The following ADSS2 variants were observed in gnomAD, a reference collection of about 807,000 sequenced individuals.
ADSS2 encodes adenylosuccinate synthase 2.
In ADSS2, 30 loss-of-function variants were observed where a neutral mutation model predicts 60.0. The ratio of observed to expected loss-of-function variants is 0.50; its 90% CI spans 0.37 to 0.68. ADSS2 has a LOEUF of 0.68. Among genes scored for constraint, ADSS2 ranks in the 30% least tolerant of loss-of-function variants. ADSS2 has a pLI of 0.00. For missense variants in ADSS2, 373 were observed against 554.8 expected (o/e 0.67, Z 3.29); for synonymous variants, 187 against 193.1 (o/e 0.97, Z 0.26).
At position 244,436,686 on chromosome 1, in the gene ADSS2, T is replaced by C. The variant is rs75979563; in HGVS notation, c.355+139A>G. 7.3e-5 allele frequency: 45 copies of C among 616,304 alleles called. No homozygotes were observed. In the East Asian group the frequency reaches 1.3e-3, roughly 17 times the overall value. The allele number at this position is 616,304 out of a possible 1,614,324, so 38.2% of individuals were successfully genotyped here. On this transcript the variant is annotated intron_variant, in intron 3 of 12. Coordinates refer to ENST00000366535, the MANE Select transcript of ADSS2 (RefSeq NM_001126.5). ...AACACTGTTTATAATGAATAAAACTTAATAACTGACATTAAAAATTCGTCT... is the reference window on the plus strand; with the variant it reads ...AACACTGTTTATAATGAATAAAACTCAATAACTGACATTAAAAATTCGTCT...
At chr1:244,422,968 A>T (rs770315996) in intron 6 of ADSS2, 52 bp from the exon 7 acceptor site, 1 of 1,183,922 alleles carries the variant, frequency 8.4e-7, no homozygotes, top group East Asian at 2.4e-5. Flanking sequence ...AAATATTTCA[A>T]ATAATATCAT....
Position 244,438,923 on chromosome 1 carries a change from T to C in ADSS2, c.184-1155A>G, listed in dbSNP as rs535657361. 3.9e-5 allele frequency among the ~76,000 whole-genome samples: 6 copies of C among 152,318 alleles called. No homozygotes were observed. The South Asian group carries it at 1.2e-3, about 32-fold the overall frequency. ...TACAATCTAATTATACTGAGTTATTTAAAAATGTATAATTACTGTTGACTG... is the reference window on the plus strand; with the variant it reads ...TACAATCTAATTATACTGAGTTATTCAAAAATGTATAATTACTGTTGACTG... On this transcript the variant is annotated intron_variant, in intron 1 of 12. Coordinates refer to ENST00000366535, the MANE Select transcript of ADSS2 (RefSeq NM_001126.5).
chr1:244,427,192 T>C (rs1357554502), intron 4 of ADSS2, among the ~76,000 whole-genome samples: 1 of 152,150 alleles, frequency 6.6e-6, no homozygotes, highest in African/African-American at 2.4e-5. Flanking sequence ...AGTATACTAA[T>C]GTAAAGAACT....
intron 7 of ADSS2, among the ~76,000 whole-genome samples, chr1:244,422,340 T>C (rs1664697199): frequency 6.6e-6 from 1 of 152,254 alleles, no homozygotes. Flanking sequence ...CACTGACACC[T>C]ACTAGTTGCC....
In ADSS2 at chr1:244,409,458, G is replaced by C. The variant is rs2147982427; in HGVS notation, c.*128C>G. The C allele has an allele frequency of 1.5e-6, 1 of 677,620 alleles. No homozygotes were observed. The highest frequency in any genetic ancestry group is 2.0e-5 in the South Asian group (1 of 50,048). The allele number at this position is 677,620 out of a possible 1,614,324, so 42.0% of individuals were successfully genotyped here. ...AGTAGGCATCCATCTGAAAAGACTG[G>C]AAACAACTGTAGGGCTTCAAACTTA... On this transcript the variant is annotated 3_prime_UTR_variant, in exon 13 of 13. Coordinates refer to ENST00000366535, the MANE Select transcript of ADSS2 (RefSeq NM_001126.5).
intron 1 of ADSS2, among the ~76,000 whole-genome samples, chr1:244,448,300 CTTT>C (rs1264209574): frequency 6.6e-6 from 1 of 152,152 alleles, no homozygotes; most frequent in Non-Finnish European, 1.5e-5. Flanking sequence ...TTTTATGCTT[CTTT>C]AACACTAATA....
chr1:244,446,820 T>A (rs1665404176), intron 1 of ADSS2, among the ~76,000 whole-genome samples: 1 of 152,212 alleles, frequency 6.6e-6, no homozygotes, highest in Admixed American at 6.5e-5. Context: ...AAAATTCACC[T>A]AATTAAATTC....
intron 1 of ADSS2, among the ~76,000 whole-genome samples, chr1:244,444,608 T>C (rs1387598057): frequency 6.7e-6 from 1 of 149,854 alleles, no homozygotes; most frequent in East Asian, 1.9e-4. Context: ...CACAGAGCTA[T>C]GAAATAAACT....
In ADSS2 at chr1:244,444,514, CAAAAAA is replaced by C. The variant is rs56001597; in HGVS notation, c.184-6752_184-6747del. ...TGGGCGACAGAGCGAGACTCCATCT[CAAAAAA>C]AAAAAAAAAAAAAAAAGATGAAATA... is the stretch of plus-strand genomic sequence containing the variant. On this transcript the variant is annotated intron_variant, in intron 1 of 12. Transcript: ENST00000366535. 1.4e-4 allele frequency among the ~76,000 whole-genome samples: 6 copies of C among 42,526 alleles called. 1 individual carries two copies. Among genetic ancestry groups the C allele is most frequent in the South Asian group, 1.6e-3 (2 of 1,266 alleles). The allele number at this position is 42,526 out of a possible 152,430, so 27.9% of individuals were successfully genotyped here. A position where few individuals can be genotyped will look rare whatever the true frequency, so the allele number is the denominator to read the frequency against.
intron 10 of ADSS2, among the ~76,000 whole-genome samples, chr1:244,416,722 A>T (rs1048863987): frequency 2.6e-5 from 4 of 152,320 alleles, no homozygotes; most frequent in African/African-American, 9.6e-5. Flanking sequence ...AACTCACTAC[A>T]CTACATGGAT....
At chr1:244,412,340 T>C (rs1336493638) in intron 11 of ADSS2, among the ~76,000 whole-genome samples, 5 of 152,186 alleles carry the variant, frequency 3.3e-5, no homozygotes, top group African/African-American at 7.2e-5. Flanking sequence ...AATCTCTACA[T>C]TGGAGTCTGT....
Position 244,424,027 on chromosome 1 carries a change from A to C in ADSS2, c.507T>G (p.Val169=). The change falls in exon 6 of 13, where the codon GTT becomes GTG. Residue 169 remains valine (V), a synonymous_variant. Transcript: ENST00000366535. The part of the protein sequence containing the change: ...LGTTKKGIGP[V]YSSKAARSGL... ...CACTCCGAGCAGCTTTGGACGAATA[A>C]ACTGGGCCAATGCCCTTTTTTGTTG... The C allele has an allele frequency of 6.2e-7, 1 of 1,613,224 alleles. No individual in the cohort carries two copies. Among genetic ancestry groups the C allele is most frequent in the Non-Finnish European group, 8.5e-7 (1 of 1,179,650 alleles).
At position 244,433,859 on chromosome 1, in the gene ADSS2, T is replaced by TAAAAA. The variant is rs35132231; in HGVS notation, c.356-1269_356-1265dup. Reference sequence around the variant, plus strand: ...TGGCAACAGAGCAAGACTCCATCTTTAAAAAAAAAAAAAAAAAAAAAAAAG... The same window carrying TAAAAA: ...TGGCAACAGAGCAAGACTCCATCTTTAAAAAAAAAAAAAAAAAAAAAAAAAAAAAG... On this transcript the variant is annotated intron_variant, in intron 3 of 12. Transcript: ENST00000366535. 4.7e-4 allele frequency among the ~76,000 whole-genome samples: 45 copies of TAAAAA among 94,944 alleles called. 1 individual carries two copies. Among genetic ancestry groups the TAAAAA allele is most frequent in the African/African-American group, 1.7e-3 (42 of 24,638 alleles). The allele number at this position is 94,944 out of a possible 152,430, so 62.3% of individuals were successfully genotyped here.
chr1:244,419,895 T>C (rs960205885), intron 8 of ADSS2, among the ~76,000 whole-genome samples: 3 of 152,170 alleles, frequency 2.0e-5, no homozygotes, highest in African/African-American at 7.2e-5. Flanking sequence ...GTTTGAACCA[T>C]AAACCAACGA....
At chr1:244,444,849 C>A (rs1665346571) in intron 1 of ADSS2, among the ~76,000 whole-genome samples, 1 of 152,104 alleles carries the variant, frequency 6.6e-6, no homozygotes, top group Admixed American at 6.5e-5. Context: ...TAAATGAGAA[C>A]AATCCAGAAC....
At chr1:244,449,380 T>C (rs185784726) in intron 1 of ADSS2, among the ~76,000 whole-genome samples, 68 of 152,260 alleles carry the variant, frequency 4.5e-4, no homozygotes, top group African/African-American at 1.5e-3. Flanking sequence ...GCAGAATATA[T>C]TAAACTCTAA....
intron 11 of ADSS2, among the ~76,000 whole-genome samples, chr1:244,412,182 G>A (rs1664431749): frequency 6.6e-6 from 1 of 152,228 alleles, no homozygotes; most frequent in Admixed American, 6.5e-5. Flanking sequence ...CAAGGGCTAT[G>A]TTAGCTCCAG....
intron 6 of ADSS2, among the ~76,000 whole-genome samples, chr1:244,423,421 C>A (rs1664719994): frequency 6.6e-6 from 1 of 152,158 alleles, no homozygotes; most frequent in Non-Finnish European, 1.5e-5. Flanking sequence ...ACAACCAACT[C>A]CCTATCATTG....
chr1:244,426,017 A>C (rs1230921815), intron 4 of ADSS2, among the ~76,000 whole-genome samples: 1 of 152,208 alleles, frequency 6.6e-6, no homozygotes, highest in Non-Finnish European at 1.5e-5. Flanking sequence ...ACTATATAGC[A>C]ATGAAAAAGA....
Sources: gnomAD v4.1 joint callset for allele counts (sites outside exome capture counted in the v4.1 genomes callset) on GRCh38, gnomAD v4.1.1 for gene constraint, MANE v1.5 for transcripts, NCBI Gene and HGNC (gene_info 2026-07-23, HGNC 2026-07-21) for gene names.